CNTN4: variants seen among roughly 807,000 people sequenced by gnomAD.
CNTN4 encodes the protein contactin-4.
In CNTN4, 77 loss-of-function variants were observed where a neutral mutation model predicts 122.5. That is an observed-to-expected ratio of 0.63 (90% confidence interval 0.52 to 0.76). The LOEUF (loss-of-function observed/expected upper bound fraction) is 0.76, where lower values mean the gene tolerates loss of function less well. Among genes scored for constraint, CNTN4 ranks in the 30% least tolerant of loss-of-function variants. The probability of loss-of-function intolerance (pLI) is 0.00; values close to 1 mark genes in which losing one functional copy is unlikely to be tolerated. For missense variants in CNTN4, 1,256 were observed against 1,259.1 expected (o/e 1.00, Z 0.04); for synonymous variants, 512 against 447.0 (o/e 1.15, Z -1.83).
chr3:2,189,906 T>A (rs901372597), intron 2 of CNTN4, among the ~76,000 whole-genome samples: 9 of 152,208 alleles, frequency 5.9e-5, no homozygotes, highest in Non-Finnish European at 1.3e-4. Flanking sequence ...TCATCTGATC[T>A]GATGACTTTA....
intron 10 of CNTN4, among the ~76,000 whole-genome samples, chr3:2,891,322 C>T (rs574502041): frequency 5.3e-5 from 8 of 151,920 alleles, no homozygotes; most frequent in East Asian, 3.9e-4. Context: ...TGGTGCATGC[C>T]GGTAGTCCCA....
chr3:2,843,538 G>A (rs967539350), intron 7 of CNTN4, among the ~76,000 whole-genome samples: 11 of 152,174 alleles, frequency 7.2e-5, no homozygotes, highest in African/African-American at 2.4e-4. Context: ...AATGTTGGAG[G>A]TGGGGCCTGG....
intron 3 of CNTN4, among the ~76,000 whole-genome samples, chr3:2,457,358 T>C (rs2049041082): frequency 6.6e-6 from 1 of 152,126 alleles, no homozygotes; most frequent in Non-Finnish European, 1.5e-5. Flanking sequence ...TTTTCTTCCT[T>C]AATAATGAAA....
intron 2 of CNTN4, among the ~76,000 whole-genome samples, chr3:2,205,047 C>T (rs940854057): frequency 4.9e-4 from 74 of 151,822 alleles, no homozygotes; most frequent in African/African-American, 1.8e-3. Flanking sequence ...TTACTTTTTT[C>T]AAAAACATGA....
At chr3:2,500,858 T>C (rs1481568739) in intron 3 of CNTN4, among the ~76,000 whole-genome samples, 1 of 152,130 alleles carries the variant, frequency 6.6e-6, no homozygotes, top group African/African-American at 2.4e-5. Flanking sequence ...TGTGCAAGCA[T>C]CGTATTTGTC....
chr3:2,297,607 C>A (rs2042361061), intron 2 of CNTN4, among the ~76,000 whole-genome samples: 1 of 152,154 alleles, frequency 6.6e-6, no homozygotes, highest in South Asian at 2.1e-4. Context: ...ATTTTTCTTA[C>A]TTGTTATTTT....
At chr3:2,798,365 A>C (rs185106790) in intron 6 of CNTN4, among the ~76,000 whole-genome samples, 3 of 143,416 alleles carry the variant, frequency 2.1e-5, no homozygotes, top group African/African-American at 5.2e-5. Flanking sequence ...ATACACACAT[A>C]AATCTATCTA....
intron 4 of CNTN4, among the ~76,000 whole-genome samples, chr3:2,676,341 C>G (rs2084843651): frequency 6.6e-6 from 1 of 152,098 alleles, no homozygotes; most frequent in Non-Finnish European, 1.5e-5. Context: ...CCTGCCTCAG[C>G]CTCCCGAGTA....
chr3:2,367,782 G>C (rs188705534), intron 3 of CNTN4, among the ~76,000 whole-genome samples: 47 of 152,226 alleles, frequency 3.1e-4, no homozygotes, highest in Admixed American at 1.2e-3. Flanking sequence ...ATTGCACCTA[G>C]CATCTTTTTA....
At chr3:3,036,312 C>T (rs960583026) in intron 17 of CNTN4, among the ~76,000 whole-genome samples, 2 of 151,962 alleles carry the variant, frequency 1.3e-5, no homozygotes. Flanking sequence ...TTCTGTGTTT[C>T]CTTCTGTAAT....
intron 14 of CNTN4, among the ~76,000 whole-genome samples, chr3:3,014,959 T>C (rs1236642279): frequency 6.8e-6 from 1 of 148,022 alleles, no homozygotes; most frequent in East Asian, 2.2e-4. Flanking sequence ...AAGATTGGAC[T>C]AAATGTCCAG....
At chr3:2,412,538 C>G (rs549395820) in intron 3 of CNTN4, among the ~76,000 whole-genome samples, 4 of 152,312 alleles carry the variant, frequency 2.6e-5, no homozygotes, top group Admixed American at 1.3e-4. Context: ...CAGGCATGAG[C>G]CACCACACCC....
chr3:2,236,512 T>G (rs1159934047), intron 2 of CNTN4, among the ~76,000 whole-genome samples: 1 of 152,236 alleles, frequency 6.6e-6, no homozygotes, highest in Non-Finnish European at 1.5e-5. Flanking sequence ...GAACTACATG[T>G]GAAGAGTAAA....
chr3:2,122,457 T>G (rs1574876824), intron 2 of CNTN4, among the ~76,000 whole-genome samples: 1 of 152,218 alleles, frequency 6.6e-6, no homozygotes, highest in East Asian at 1.9e-4. Flanking sequence ...AATCTATATG[T>G]AGCTAACTCT....
chr3:2,611,898 G>T (rs1432846160), intron 4 of CNTN4, among the ~76,000 whole-genome samples: 15 of 151,888 alleles, frequency 9.9e-5, no homozygotes, highest in South Asian at 2.1e-4. Flanking sequence ...TATTTCTTTT[G>T]ATTGCAATAA....
intron 2 of CNTN4, among the ~76,000 whole-genome samples, chr3:2,315,266 A>T (rs2043056054): frequency 6.6e-6 from 1 of 152,018 alleles, no homozygotes. Flanking sequence ...TTTCTAGTAG[A>T]GAAAGTGACC....
chr3:2,323,978 A>G (rs150785066), intron 2 of CNTN4, among the ~76,000 whole-genome samples: 14 of 152,306 alleles, frequency 9.2e-5, no homozygotes, highest in African/African-American at 2.4e-4. Context: ...GGGCTTCTCA[A>G]CTTCAACACT....
At chr3:2,456,278 T>C (rs1174922502) in intron 3 of CNTN4, among the ~76,000 whole-genome samples, 1 of 152,050 alleles carries the variant, frequency 6.6e-6, no homozygotes, top group Admixed American at 6.6e-5. Context: ...CTCTCCCTTC[T>C]TTTCCTACTC....
At chr3:2,198,502 T>G (rs1379356175) in intron 2 of CNTN4, among the ~76,000 whole-genome samples, 1 of 152,204 alleles carries the variant, frequency 6.6e-6, no homozygotes, top group Non-Finnish European at 1.5e-5. Flanking sequence ...TACAGAGATA[T>G]GTTATATCAG....
Sources: allele counts gnomAD v4.1 joint callset (sites outside exome capture counted in the v4.1 genomes callset), GRCh38; gene constraint gnomAD v4.1.1; transcripts MANE v1.5; gene names NCBI Gene and HGNC (gene_info 2026-07-23, HGNC 2026-07-21).